TADA3: variants seen among roughly 807,000 people sequenced by gnomAD.
TADA3 encodes the protein transcriptional adaptor 3, also known as transcriptional adapter 3.
TADA3 carries 25 observed loss-of-function variants against 43.2 expected under a neutral mutation model. That is an observed-to-expected ratio of 0.58 (90% CI 0.42 to 0.81). The LOEUF is 0.81. TADA3 is among the 30% of genes least tolerant of loss of function. TADA3 has a pLI of 0.00. For synonymous variants in TADA3, 235 were observed against 225.5 expected, an observed-to-expected ratio of 1.04 and a Z score of -0.38; for missense variants, 441 against 567.8, an observed-to-expected ratio of 0.78 and a Z score of 2.27.
At chr3:9,782,922 A>G (rs2078514366) in intron 8 of TADA3, among the ~76,000 whole-genome samples, 1 of 152,234 alleles carries the variant, frequency 6.6e-6, no homozygotes, top group South Asian at 2.1e-4. Context: ...CTTTACCTAA[A>G]GGGTAGCTAT....
At chr3:9,788,115 G>A (rs572697351) in intron 4 of TADA3, 6 of 213,114 alleles carry the variant, frequency 2.8e-5, no homozygotes, top group African/African-American at 4.6e-5. Flanking sequence ...TGGATGCAGC[G>A]CCATGTCATG....
At position 9,785,290 on chromosome 3, in the gene TADA3, T is replaced by C. The variant is rs1300088333; in HGVS notation, c.920+26A>G. On this transcript the variant is annotated intron_variant, in intron 7 of 8. Coordinates refer to ENST00000301964, the MANE Select transcript of TADA3 (RefSeq NM_006354.5). Reference sequence around the variant, plus strand: ...GCCAACAGAAGCGGGGGCCAGACTGTGGGTTGTGGATAGGACACCACTCAC... The same window carrying C: ...GCCAACAGAAGCGGGGGCCAGACTGCGGGTTGTGGATAGGACACCACTCAC... 1.9e-6 allele frequency: 3 copies of C among 1,569,174 alleles called. No individual in the cohort carries two copies. In the East Asian group the frequency reaches 6.8e-5, roughly 35 times the overall value.
chr3:9,789,451 C>T, intron 4 of TADA3, 58 bp downstream of exon 4: 1 of 1,503,602 alleles, frequency 6.7e-7, no homozygotes, highest in Non-Finnish European at 9.2e-7. Flanking sequence ...CTTTACTTCT[C>T]AGGCACCTCT....
Position 9,787,227 on chromosome 3 carries a change from C to T in TADA3, c.678G>A (p.Met226Ile). ...TAGTGTCCAGTTCGGTCAGTGGCCC[C>T]ATGAGGCCTTTCTTCTTGTCAGCCA... is the stretch of plus-strand genomic sequence containing the variant. ...AAVADKKKGL[M>I]GPLTELDTKD... is the part of the protein sequence containing the mutation. The change falls in exon 5 of 9, where the codon ATG (methionine) becomes ATA (isoleucine). Residue 226 changes from methionine to isoleucine, a missense_variant. Met to Ile is a conservative substitution (Grantham distance 10). Coordinates refer to ENST00000301964, the MANE Select transcript of TADA3 (RefSeq NM_006354.5). The T allele has an allele frequency of 6.2e-7, 1 of 1,614,200 alleles. No homozygotes were observed. The highest frequency in any genetic ancestry group is 8.5e-7 in the Non-Finnish European group (1 of 1,180,052).
In TADA3 at chr3:9,789,513, T is replaced by A. The variant is rs767938554; in HGVS notation, c.560A>T (p.Tyr187Phe). 1.7e-4 allele frequency: 271 copies of A among 1,613,834 alleles called. 1 individual carries two copies. The highest frequency in any genetic ancestry group is 2.2e-4 in the Non-Finnish European group (262 of 1,179,870). ...ATCAAGGCCCAGAGTTTCTACCTTGTAATGCTCAGCCTCATCTTCTGGGGG... is the reference window on the plus strand; with the variant it reads ...ATCAAGGCCCAGAGTTTCTACCTTGAAATGCTCAGCCTCATCTTCTGGGGG... Reference protein sequence around the residue: ...LKPPEDEAEHYKIPPLGKHYS... With the variant: ...LKPPEDEAEHFKIPPLGKHYS... Residue 187 changes from tyrosine (Y) to phenylalanine (F), a missense_variant, in exon 4 of 9, where the codon TAC becomes TTC. Physicochemically the swap from Tyr to Phe is conservative, Grantham distance 22. Transcript: ENST00000301964.
intron 6 of TADA3, among the ~76,000 whole-genome samples, chr3:9,786,694 G>A (rs1480903164): frequency 2.6e-5 from 4 of 152,218 alleles, no homozygotes; most frequent in African/African-American, 9.6e-5. Context: ...TACCTTTGGG[G>A]AAAGTTGGAG....
Position 9,780,197 on chromosome 3 carries a change from G to T in TADA3, c.*160C>A. ...GGGCTTCCTGTGTCCTGGTTGTACAGAGCTAGGCCAAAAGACCTCAGGGGA... is the reference window on the plus strand; with the variant it reads ...GGGCTTCCTGTGTCCTGGTTGTACATAGCTAGGCCAAAAGACCTCAGGGGA... On this transcript the variant is annotated 3_prime_UTR_variant, in exon 9 of 9. Transcript: ENST00000301964. The T allele has an allele frequency of 1.4e-6, 1 of 693,134 alleles. No individual in the cohort carries two copies. The highest frequency in any genetic ancestry group is 2.4e-6 in the Non-Finnish European group (1 of 424,646). 42.9% of individuals were successfully genotyped at this position (693,134 alleles called of 1,614,324 possible). A position where few individuals can be genotyped will look rare whatever the true frequency, so the allele number is the denominator to read the frequency against.
In TADA3 at chr3:9,790,941, TC is replaced by T. The variant is rs757760508; in HGVS notation, c.207+318del. 3.0e-4 allele frequency among the ~76,000 whole-genome samples: 46 copies of T among 152,324 alleles called. 1 individual carries two copies. The highest frequency in any genetic ancestry group is 1.8e-3 in the Admixed American group (28 of 15,306). Reference sequence around the variant, plus strand: ...ATCACCTGGTATGTACTTGACTTTCTCACTTTCCTAGTTGCCAAGCTCCCTG... The same window carrying T: ...ATCACCTGGTATGTACTTGACTTTCTACTTTCCTAGTTGCCAAGCTCCCTG... On this transcript the variant is annotated intron_variant, in intron 2 of 8. Transcript: ENST00000301964.
intron 4 of TADA3, among the ~76,000 whole-genome samples, chr3:9,789,087 C>T (rs986755315): frequency 1.1e-4 from 16 of 152,188 alleles, no homozygotes; most frequent in Admixed American, 6.5e-4. Context: ...CTGCCCGCCC[C>T]GGCCTCCCAA....
At chr3:9,783,379 G>A (rs2078525930) in intron 8 of TADA3, 1 of 151,754 alleles carries the variant, frequency 6.6e-6, no homozygotes, top group South Asian at 2.1e-4. Context: ...GAATGCAATG[G>A]TGCAGTCTCA....
At position 9,780,329 on chromosome 3, in the gene TADA3, G is replaced by C; in HGVS notation, c.*28C>G. 1 of 1,592,620 alleles carries C rather than the reference G, an allele frequency of 6.3e-7. No individual in the cohort carries two copies. Among genetic ancestry groups the C allele is most frequent in the East Asian group, 2.2e-5 (1 of 44,642 alleles). On this transcript the variant is annotated 3_prime_UTR_variant, in exon 9 of 9. Coordinates refer to ENST00000301964, the MANE Select transcript of TADA3 (RefSeq NM_006354.5). ...GCCTCCCTTCCCCTCCCCTAGGCCAGATAATCAGCCTGAGGCAGGGGTGAG... is the reference window on the plus strand; with the variant it reads ...GCCTCCCTTCCCCTCCCCTAGGCCACATAATCAGCCTGAGGCAGGGGTGAG...
At chr3:9,787,649 A>G in intron 4 of TADA3, 3 of 1,381,548 alleles carry the variant, frequency 2.2e-6, no homozygotes, top group East Asian at 3.6e-5. Flanking sequence ...GAGAATTAGG[A>G]GCCTTCAGGT....
chr3:9,785,180 T>A (rs1249695979), intron 7 of TADA3, 136 bp downstream of exon 7: 1 of 620,702 alleles, frequency 1.6e-6, no homozygotes, highest in East Asian at 2.7e-5. Context: ...GGGTCATCAC[T>A]CACACTTGAG....
intron 2 of TADA3, among the ~76,000 whole-genome samples, chr3:9,790,684 G>A (rs79788876): frequency 0.016 from 2,385 of 152,300 alleles, 35 homozygotes; most frequent in Middle Eastern, 0.044. Context: ...CTTAGTGTCT[G>A]GCATTGGGCT....
chr3:9,780,874 C>T (rs2078444385), intron 8 of TADA3, among the ~76,000 whole-genome samples: 1 of 152,166 alleles, frequency 6.6e-6, no homozygotes, highest in Non-Finnish European at 1.5e-5. Flanking sequence ...CATGGGGGTT[C>T]ACATCTGCAG....
chr3:9,786,429 G>A (rs1433856951), intron 6 of TADA3, among the ~76,000 whole-genome samples: 5 of 152,294 alleles, frequency 3.3e-5, no homozygotes, highest in African/African-American at 1.2e-4. Context: ...GTTTGAGCCA[G>A]AATAGAAAAC....
chr3:9,787,600 G>A lies in TADA3; in HGVS notation c.565-260C>T, dbSNP rs1375292238. 28 of 1,115,228 alleles carry A rather than the reference G, an allele frequency of 2.5e-5. No homozygotes were observed. The African/African-American group carries it at 3.0e-4, about 12-fold the overall frequency. 69.1% of individuals were successfully genotyped at this position (1,115,228 alleles called of 1,614,324 possible). ...TCCCAAGATAGAAGGTGCAGAATAC[G>A]TACACAGATTGTCTCAGGTCACAGC... On this transcript the variant is annotated intron_variant, in intron 4 of 8. Coordinates refer to ENST00000301964, the MANE Select transcript of TADA3 (RefSeq NM_006354.5).
chr3:9,789,663 C>T (rs767235214), intron 3 of TADA3, 49 bp from the exon 4 acceptor site: 1 of 1,610,254 alleles, frequency 6.2e-7, no homozygotes, highest in African/African-American at 1.3e-5. Flanking sequence ...CCACCAGTGC[C>T]TCCACCACCA....
rs1575313287 is a variant in TADA3 at position 9,792,464 on chromosome 3, C to A, written c.-276G>T. On this transcript the variant is annotated 5_prime_UTR_variant, in exon 1 of 9. Transcript: ENST00000301964. Reference sequence around the variant, plus strand: ...GAGTTCCGGTCGATGTGAGCAACCGCCCCGGAACTGGCTATGGGCGGGCCC... The same window carrying A: ...GAGTTCCGGTCGATGTGAGCAACCGACCCGGAACTGGCTATGGGCGGGCCC... The A allele has an allele frequency of 2.5e-6, 3 of 1,180,156 alleles. No individual in the cohort carries two copies. Among genetic ancestry groups the A allele is most frequent in the Admixed American group, 9.1e-5 (2 of 21,964 alleles). 73.1% of individuals were successfully genotyped at this position (1,180,156 alleles called of 1,614,324 possible).
Sources: allele counts gnomAD v4.1 joint callset (sites outside exome capture counted in the v4.1 genomes callset), GRCh38; gene constraint gnomAD v4.1.1; transcripts MANE v1.5; gene names NCBI Gene and HGNC (gene_info 2026-07-23, HGNC 2026-07-21).